Variants in EXOC4 observed in about 807,000 individuals in gnomAD.
EXOC4 encodes the protein SEC8-like 1.
In EXOC4, 71 loss-of-function variants were observed where a neutral mutation model predicts 107.2. The observed-to-expected ratio is 0.66, with a 90% CI of 0.55 to 0.81. The LOEUF (loss-of-function observed/expected upper bound fraction) is 0.81, where lower values mean the gene tolerates loss of function less well. Ranked by LOEUF, EXOC4 falls within the 30% of genes least tolerant of loss-of-function variation. The pLI is 0.00. For missense variants in EXOC4, 1,108 were observed against 1,189.6 expected (o/e 0.93, Z 1.01); for synonymous variants, 456 against 441.2 (o/e 1.03, Z -0.42).
At chr7:133,325,322 T>G (rs994926874) in intron 5 of EXOC4, among the ~76,000 whole-genome samples, 20 of 152,238 alleles carry the variant, frequency 1.3e-4, no homozygotes, top group African/African-American at 4.6e-4. Context: ...TCTTTACAGT[T>G]TGGCATGTTT....
chr7:133,330,665 CCTCACA>C, intron 5 of EXOC4, among the ~76,000 whole-genome samples: 1 of 151,724 alleles, frequency 6.6e-6, no homozygotes, highest in South Asian at 2.1e-4. Flanking sequence ...CCTCACAGTC[CCTCACA>C]GTCCCTCACA....
chr7:133,470,372 T>G (rs1351702780), intron 7 of EXOC4, among the ~76,000 whole-genome samples: 1 of 152,202 alleles, frequency 6.6e-6, no homozygotes, highest in Non-Finnish European at 1.5e-5. Flanking sequence ...TTGTCCTGCT[T>G]TAATACCGTG....
intron 5 of EXOC4, among the ~76,000 whole-genome samples, chr7:133,331,763 G>A (rs1190515588): frequency 3.9e-5 from 6 of 152,110 alleles, no homozygotes; most frequent in Admixed American, 2.0e-4. Flanking sequence ...TTACAGATAC[G>A]GAAGCTGAAT....
In EXOC4 at chr7:133,972,001, A is replaced by G. The variant is rs541071942; in HGVS notation, c.2207-25491A>G. On this transcript the variant is annotated intron_variant, in intron 14 of 17. Coordinates refer to ENST00000253861, the MANE Select transcript of EXOC4 (RefSeq NM_021807.4). ...ATGAAGTTATTGTGTCCATTTTTAA[A>G]TTTTCTTCCCATTCTCTTGACTTTC... Among the ~76,000 whole-genome samples, 22 of 34,092 alleles carry G rather than the reference A, an allele frequency of 6.5e-4. No individual in the cohort carries two copies. The South Asian group carries it at 0.029, about 45-fold the overall frequency. 22.4% of individuals were successfully genotyped at this position (34,092 alleles called of 152,430 possible).
rs368101148 is a variant in EXOC4, at chr7:133,546,253, CTTTTT to C, written c.1417+66130_1417+66134del. ...CACCCTTTTTATAATAGCTGGAAAA[CTTTTT>C]TTTTTTTTTTTTTTCCGAGATGGAG... On this transcript the variant is annotated intron_variant, in intron 9 of 17. Transcript: ENST00000253861. Among the ~76,000 whole-genome samples the C allele has an allele frequency of 2.7e-4, 32 of 119,314 alleles. No individual in the cohort carries two copies. The East Asian group carries it at 5.9e-3, about 22-fold the overall frequency. The allele number at this position is 119,314 out of a possible 152,430, so 78.3% of individuals were successfully genotyped here.
Position 133,884,811 on chromosome 7 carries a change from TTA to T in EXOC4, c.1735-10786_1735-10785del, listed in dbSNP as rs564591381. Among the ~76,000 whole-genome samples the T allele has an allele frequency of 3.4e-4, 52 of 152,280 alleles. 2 individuals are homozygous for T. In the South Asian group the frequency reaches 6.8e-3, roughly 20 times the overall value. On this transcript the variant is annotated intron_variant, in intron 11 of 17. Transcript: ENST00000253861. ...TTTTGTTTCTGAATTGTGAATTTAT[TTA>T]TGTCTTAAAACTTTAAAATCAGCAC...
chr7:133,774,316 G>A (rs970138805), intron 10 of EXOC4, among the ~76,000 whole-genome samples: 1 of 152,030 alleles, frequency 6.6e-6, no homozygotes, highest in Non-Finnish European at 1.5e-5. Context: ...CTCCTTACCA[G>A]CTGTGGACTC....
rs1052880679 is a variant in EXOC4 at position 133,415,961 on chromosome 7, G to T, written c.1182+40959G>T. On this transcript the variant is annotated intron_variant, in intron 7 of 17. Coordinates refer to ENST00000253861, the MANE Select transcript of EXOC4 (RefSeq NM_021807.4). The stretch of plus-strand genomic sequence containing the variant: ...TTTGGTCATAAAAGTCTAAGTTGGA[G>T]AATCATTTATTAGTACAGATACTAA... 2.0e-5 allele frequency among the ~76,000 whole-genome samples: 3 copies of T among 152,108 alleles called. 1 individual carries two copies.
At chr7:133,970,920 C>T (rs1801206436) in intron 14 of EXOC4, among the ~76,000 whole-genome samples, 1 of 152,086 alleles carries the variant, frequency 6.6e-6, no homozygotes, top group East Asian at 1.9e-4. Context: ...TCTTCATCTA[C>T]TGACTTCTCA....
At chr7:134,069,989 C>T (rs1314140606), downstream of EXOC4, among the ~76,000 whole-genome samples, 1 of 152,226 alleles carries the variant, frequency 6.6e-6, no homozygotes, top group Non-Finnish European at 1.5e-5. Flanking sequence ...GAAGACCAGC[C>T]AAGGGGCTGT....
intron 7 of EXOC4, among the ~76,000 whole-genome samples, chr7:133,390,255 A>C (rs1025568821): frequency 2.0e-5 from 3 of 152,210 alleles, no homozygotes; most frequent in African/African-American, 7.2e-5. Context: ...CGTCAGCTTA[A>C]TCGGCTTTCT....
At chr7:133,270,126 G>A (rs1054973032) in intron 1 of EXOC4, among the ~76,000 whole-genome samples, 8 of 152,074 alleles carry the variant, frequency 5.3e-5, no homozygotes, top group Non-Finnish European at 1.0e-4. Flanking sequence ...TTTTAGACAG[G>A]GTAGTCCCTG....
At chr7:133,422,777 A>G (rs1307402272) in intron 7 of EXOC4, among the ~76,000 whole-genome samples, 6 of 152,200 alleles carry the variant, frequency 3.9e-5, no homozygotes, top group Non-Finnish European at 7.3e-5. Flanking sequence ...AATTCTTTTT[A>G]ATAATAGAAA....
At chr7:133,920,178 A>G (rs1799906484) in intron 13 of EXOC4, among the ~76,000 whole-genome samples, 1 of 152,168 alleles carries the variant, frequency 6.6e-6, no homozygotes, top group South Asian at 2.1e-4. Context: ...CTGTCTCTAT[A>G]TCTTTGGTGA....
chr7:133,617,733 C>T (rs1210026312), intron 9 of EXOC4, among the ~76,000 whole-genome samples: 1 of 152,096 alleles, frequency 6.6e-6, no homozygotes, highest in Non-Finnish European at 1.5e-5. Flanking sequence ...AGTTGGTCAC[C>T]TTGACACAGG....
At chr7:133,347,577 C>T (rs984357641) in intron 5 of EXOC4, among the ~76,000 whole-genome samples, 3 of 152,076 alleles carry the variant, frequency 2.0e-5, no homozygotes, top group African/African-American at 7.2e-5. Context: ...GGAATTGTAG[C>T]GAATGAAAGG....
chr7:133,483,544 C>G (rs1195311451), intron 9 of EXOC4, among the ~76,000 whole-genome samples: 1 of 152,202 alleles, frequency 6.6e-6, no homozygotes, highest in Non-Finnish European at 1.5e-5. Context: ...TATGGGCTTT[C>G]AAGCACAAGT....
chr7:133,653,596 C>T (rs987543994), intron 10 of EXOC4, among the ~76,000 whole-genome samples: 1 of 152,224 alleles, frequency 6.6e-6, no homozygotes, highest in African/African-American at 2.4e-5. Context: ...CAAATATCCC[C>T]TCATTCCTTG....
At position 133,536,829 on chromosome 7, in the gene EXOC4, A is replaced by G. The variant is rs539694193; in HGVS notation, c.1417+56691A>G. Among the ~76,000 whole-genome samples the G allele has an allele frequency of 3.3e-5, 5 of 152,174 alleles. No homozygotes were observed. In the East Asian group the frequency reaches 9.7e-4, roughly 29 times the overall value. ...CTTGAACTCTTACTATTGTATCTAC[A>G]TATTAGGCAGCAGGAAGTAGATGGG... On this transcript the variant is annotated intron_variant, in intron 9 of 17. Coordinates refer to ENST00000253861, the MANE Select transcript of EXOC4 (RefSeq NM_021807.4).
Sources: gnomAD v4.1 joint callset for allele counts (sites outside exome capture counted in the v4.1 genomes callset) on GRCh38, gnomAD v4.1.1 for gene constraint, MANE v1.5 for transcripts, NCBI Gene and HGNC (gene_info 2026-07-23, HGNC 2026-07-21) for gene names.